Variants in BRCA1 observed in about 807,000 individuals in gnomAD.
BRCA1 encodes the protein breast cancer type 1 susceptibility protein.
Under a neutral mutation model 173.7 loss-of-function variants are expected in BRCA1, and 140 were observed. The observed-to-expected ratio is 0.81, with a 90% CI of 0.70 to 0.93. The LOEUF is 0.93. Ranked by LOEUF, BRCA1 falls within the 40% of genes least tolerant of loss-of-function variation. The probability of loss-of-function intolerance (pLI) is 0.00; values close to 1 mark genes in which losing one functional copy is unlikely to be tolerated. For missense variants in BRCA1, 1,983 were observed against 2,172.5 expected (o/e 0.91, Z 1.73); for synonymous variants, 662 against 756.0 (o/e 0.88, Z 2.04).
At chr17:43,162,776 T>C (rs763569502) in intron 1 of BRCA1, 6 of 152,192 alleles carry the variant, frequency 3.9e-5, no homozygotes, top group Non-Finnish European at 8.8e-5. Flanking sequence ...AGTCAGCTTC[T>C]GGGTGTGACT....
intron 15 of BRCA1, 22 bp from the exon 16 acceptor site, chr17:43,067,717 C>T (rs2153722133): frequency 3.8e-6 from 6 of 1,581,918 alleles, no homozygotes; most frequent in Non-Finnish European, 5.2e-6. Context: ...TCAAATATTC[C>T]ATTATCATGA....
At chr17:43,085,704 T>C (rs2053202593) in intron 11 of BRCA1, among the ~76,000 whole-genome samples, 1 of 152,062 alleles carries the variant, frequency 6.6e-6, no homozygotes, top group Non-Finnish European at 1.5e-5. Flanking sequence ...AGTTGTGAAA[T>C]ATGAGAAGTA....
intron 20 of BRCA1, chr17:43,050,140 C>A: frequency 5.0e-6 from 2 of 398,598 alleles, no homozygotes; most frequent in South Asian, 1.3e-4. Flanking sequence ...GTAAGAGGAC[C>A]TAAGTCCCTG....
At chr17:43,101,246 G>C (rs2054462163) in intron 6 of BRCA1, among the ~76,000 whole-genome samples, 1 of 151,806 alleles carries the variant, frequency 6.6e-6, no homozygotes, top group African/African-American at 2.4e-5. Flanking sequence ...GCCCAGGCTG[G>C]AGCGTGGTGG....
At position 43,170,178 on chromosome 17, in the gene BRCA1, C is replaced by T. The variant is rs182455081; in HGVS notation, c.-72G>A. The stretch of plus-strand genomic sequence containing the variant: ...GCGGCCTTAGCTTCCTCGGAAGGAC[C>T]GAACACCTTGGCGGCAGCCGAGGAA... On this transcript the variant is annotated 5_prime_UTR_variant, in exon 1 of 8. Coordinates refer to the BRCA1 transcript ENST00000634433. 2.0e-5 allele frequency: 4 copies of T among 196,016 alleles called. No individual in the cohort carries two copies. The East Asian group carries it at 5.1e-4, about 25-fold the overall frequency. 12.1% of individuals were successfully genotyped at this position (196,016 alleles called of 1,614,324 possible). A position where few individuals can be genotyped will look rare whatever the true frequency, so the allele number is the denominator to read the frequency against.
rs1248815302 is a variant in BRCA1, at chr17:43,044,882, C to T, written c.*796G>A. The T allele has an allele frequency of 2.1e-6, 1 of 473,492 alleles. No individual in the cohort carries two copies. Among genetic ancestry groups the T allele is most frequent in the Non-Finnish European group, 4.1e-6 (1 of 241,764 alleles). 29.3% of individuals were successfully genotyped at this position (473,492 alleles called of 1,614,324 possible). Reference sequence around the variant, plus strand: ...GCCGTGGTATGATCTTGGCTCACTGCAACCTCCACCTCCCGGGCTGAAGTG... The same window carrying T: ...GCCGTGGTATGATCTTGGCTCACTGTAACCTCCACCTCCCGGGCTGAAGTG... On this transcript the variant is annotated 3_prime_UTR_variant, in exon 23 of 23. Coordinates refer to ENST00000357654, the MANE Select transcript of BRCA1 (RefSeq NM_007294.4).
In BRCA1 at chr17:43,094,396, T is replaced by C. The variant is rs864622723; in HGVS notation, c.1135A>G (p.Ile379Val). The change falls in exon 10 of 23, where the codon ATT becomes GTT. Residue 379 changes from isoleucine (I) to valine (V), a missense_variant. Coordinates refer to ENST00000357654, the MANE Select transcript of BRCA1 (RefSeq NM_007294.4). ...DVPWITLNSS[I>V]QKVNEWFSRS... ...GAAAACCACTCATTAACTTTCTGAA[T>C]GCTGCTATTTAGTGTTATCCAAGGA... 1.2e-6 allele frequency: 2 copies of C among 1,614,234 alleles called. No homozygotes were observed. The highest frequency in any genetic ancestry group is 1.7e-6 in the Non-Finnish European group (2 of 1,180,034).
chr17:43,122,975 T>C (rs535781701), intron 2 of BRCA1, among the ~76,000 whole-genome samples: 56 of 151,610 alleles, frequency 3.7e-4, no homozygotes, highest in African/African-American at 1.3e-3. Flanking sequence ...AAGAATGGCA[T>C]GAACCCGGGA....
At chr17:43,129,028 G>A (rs1303613134), upstream of BRCA1, among the ~76,000 whole-genome samples, 4 of 151,852 alleles carry the variant, frequency 2.6e-5, no homozygotes, top group African/African-American at 9.7e-5. Flanking sequence ...TGCCAGGTTT[G>A]TTTCATTAAA....
chr17:43,107,591 C>T (rs2054853855), intron 3 of BRCA1, among the ~76,000 whole-genome samples: 1 of 151,942 alleles, frequency 6.6e-6, no homozygotes, highest in South Asian at 2.1e-4. Flanking sequence ...GTCTTGAACT[C>T]CTGGCCTCAA....
At chr17:43,156,560 G>A (rs1233485540) in intron 1 of BRCA1, among the ~76,000 whole-genome samples, 1 of 152,138 alleles carries the variant, frequency 6.6e-6, no homozygotes, top group African/African-American at 2.4e-5. Context: ...TTGTACCAAT[G>A]TGGGTATTAT....
In BRCA1 at chr17:43,049,443, T is replaced by C. The variant is rs1555575311; in HGVS notation, c.5333-249A>G. ...ACTTGGTATAAGGTTTGATAGTCTC[T>C]CAAATAAAATGCTTGAAAGAAAAAA... On this transcript the variant is annotated intron_variant, in intron 20 of 22. Coordinates refer to ENST00000357654, the MANE Select transcript of BRCA1 (RefSeq NM_007294.4). Among the ~76,000 whole-genome samples, 1 of 152,158 alleles carries C rather than the reference T, an allele frequency of 6.6e-6. No homozygotes were observed. Among genetic ancestry groups the C allele is most frequent in the Admixed American group, 6.5e-5 (1 of 15,268 alleles).
At chr17:43,165,513 G>T (rs1164449546) in intron 1 of BRCA1, among the ~76,000 whole-genome samples, 1 of 148,524 alleles carries the variant, frequency 6.7e-6, no homozygotes, top group Non-Finnish European at 1.5e-5. Flanking sequence ...TTTACATTCA[G>T]GAGGCCTAGT....
chr17:43,092,378 A>G lies in BRCA1; in HGVS notation c.3153T>C (p.Thr1051=), dbSNP rs1057521053. The change falls in exon 10 of 23, where the codon ACT becomes ACC. Residue 1051 remains threonine (T), a synonymous_variant. Transcript: ENST00000357654. ...CATTAATACTGGAGCCCACTTCATT[A>G]GTACTGGAACCTACTTCATTAATAT... ...SSNINEVGSS[T]NEVGSSINEI... 5.0e-6 allele frequency: 8 copies of G among 1,613,898 alleles called. No homozygotes were observed. The highest frequency in any genetic ancestry group is 6.8e-6 in the Non-Finnish European group (8 of 1,179,910).
chr17:43,050,405 G>A (rs1251438546), intron 20 of BRCA1, among the ~76,000 whole-genome samples: 3 of 151,774 alleles, frequency 2.0e-5, no homozygotes, highest in East Asian at 1.9e-4. Flanking sequence ...TCAGGAGATC[G>A]GGACCATATT....
rs876659814 is a variant in BRCA1, at chr17:43,104,254, G to A, written c.309C>T (p.Asn103=). 1 of 1,609,114 alleles carries A rather than the reference G, an allele frequency of 6.2e-7. No homozygotes were observed. The highest frequency in any genetic ancestry group is 8.5e-7 in the Non-Finnish European group (1 of 1,175,958). The change falls in exon 6 of 23, where the codon AAC becomes AAT. Residue 103 remains asparagine, a synonymous_variant. Transcript: ENST00000357654. ...TTTCCTTTTTTGCAAAATTATAGCT[G>A]TTTGCATCTGTAAAATACAAGGGAA... is the stretch of plus-strand genomic sequence containing the variant. ...FQLDTGLEYA[N]SYNFAKKENN...
At chr17:43,090,340 C>T (rs1165766371) in intron 11 of BRCA1, among the ~76,000 whole-genome samples, 3 of 152,064 alleles carry the variant, frequency 2.0e-5, no homozygotes, top group East Asian at 1.9e-4. Context: ...ACAGTAAGTG[C>T]CGTCATGTTT....
At chr17:43,125,388 T>G (rs1326294116), upstream of BRCA1, 5 of 405,926 alleles carry the variant, frequency 1.2e-5, no homozygotes, top group Non-Finnish European at 2.5e-5. Flanking sequence ...GCAGTCGCAG[T>G]TTTAATTTAT....
At chr17:43,158,147 T>C (rs1174627435) in intron 1 of BRCA1, among the ~76,000 whole-genome samples, 3 of 152,226 alleles carry the variant, frequency 2.0e-5, no homozygotes, top group Admixed American at 1.3e-4. Context: ...TTTTAATTGA[T>C]GGTTTAATTT....
Sources: gnomAD v4.1 joint callset for allele counts (sites outside exome capture counted in the v4.1 genomes callset) on GRCh38, gnomAD v4.1.1 for gene constraint, MANE v1.5 for transcripts, NCBI Gene and HGNC (gene_info 2026-07-23, HGNC 2026-07-21) for gene names.